The following ZEB2 variants were observed in gnomAD, a reference collection of about 807,000 sequenced individuals.
ZEB2 encodes zinc finger E-box binding homeobox 2.
Under a neutral mutation model 99.9 loss-of-function variants are expected in ZEB2, and 6 were observed. That is an observed-to-expected ratio of 0.06 (90% CI 0.03 to 0.12). The LOEUF is 0.12. Ranked by LOEUF, ZEB2 falls within the 10% of genes least tolerant of loss-of-function variation. The pLI, the probability that ZEB2 is intolerant of heterozygous loss-of-function variation, is 1.00. For synonymous variants in ZEB2, 517 were observed against 542.5 expected (o/e 0.95, Z 0.65); for missense variants, 969 against 1,502.8 (o/e 0.64, Z 5.87).
chr2:144,470,902 T>C (rs564006446), intron 2 of ZEB2, among the ~76,000 whole-genome samples: 1 of 152,294 alleles, frequency 6.6e-6, no homozygotes, highest in East Asian at 1.9e-4. Flanking sequence ...ATTTACTTAT[T>C]ACCAAAGCCT....
intron 1 of ZEB2, chr2:144,518,990 G>A (rs1226332002): frequency 6.6e-6 from 1 of 152,124 alleles, no homozygotes; most frequent in Non-Finnish European, 1.5e-5. Flanking sequence ...CATTACAGGG[G>A]GAGCATGTAA....
chr2:144,515,413 T>A (rs1179472853), intron 2 of ZEB2, among the ~76,000 whole-genome samples: 1 of 151,950 alleles, frequency 6.6e-6, no homozygotes, highest in Admixed American at 6.6e-5. Context: ...TTAGGTGTAA[T>A]TTTAGTGTCT....
At chr2:144,440,504 TA>T (rs1703894597) in intron 2 of ZEB2, among the ~76,000 whole-genome samples, 1 of 9,960 alleles carries the variant, frequency 1.0e-4, no homozygotes, top group African/African-American at 2.5e-4. Flanking sequence ...TATATATATA[TA>T]TATATATATA....
At chr2:144,443,443 T>C (rs1177879520) in intron 2 of ZEB2, among the ~76,000 whole-genome samples, 1 of 152,190 alleles carries the variant, frequency 6.6e-6, no homozygotes, top group Non-Finnish European at 1.5e-5. Context: ...CAGTATTGCT[T>C]CAATCTGATA....
chr2:144,416,929 A>G (rs1352864540), intron 4 of ZEB2, among the ~76,000 whole-genome samples: 1 of 152,248 alleles, frequency 6.6e-6, no homozygotes, highest in East Asian at 1.9e-4. Context: ...ATTTCAAATA[A>G]AACGTCTTAA....
chr2:144,436,453 A>G (rs1464142141), intron 2 of ZEB2, among the ~76,000 whole-genome samples: 1 of 152,216 alleles, frequency 6.6e-6, no homozygotes, highest in Non-Finnish European at 1.5e-5. Flanking sequence ...AGCTATGTAA[A>G]AAAATACGCA....
At chr2:144,511,546 T>A (rs1047365060) in intron 2 of ZEB2, 42 of 1,280,076 alleles carry the variant, frequency 3.3e-5, no homozygotes, top group Non-Finnish European at 4.2e-5. Context: ...GTTTTCCTTT[T>A]AAAAACTGCT....
chr2:144,501,408 G>A (rs1027518166), intron 2 of ZEB2, among the ~76,000 whole-genome samples: 2 of 152,096 alleles, frequency 1.3e-5, no homozygotes, highest in East Asian at 1.9e-4. Flanking sequence ...AACTATTTAC[G>A]AGACCTCTTC....
chr2:144,513,376 G>A (rs1320580355), intron 2 of ZEB2: 1 of 1,337,776 alleles, frequency 7.5e-7, no homozygotes, highest in South Asian at 1.2e-5. Context: ...AAAGGCATTT[G>A]TAAAAAGCTC....
intron 2 of ZEB2, chr2:144,513,543 C>T (rs2149932156): frequency 1.3e-6 from 2 of 1,529,648 alleles, no homozygotes; most frequent in Non-Finnish European, 1.7e-6. Context: ...CAAGCAGTTT[C>T]CGGATTTGAT....
intron 2 of ZEB2, among the ~76,000 whole-genome samples, chr2:144,457,198 G>T (rs1704132269): frequency 6.6e-6 from 1 of 152,108 alleles, no homozygotes; most frequent in Non-Finnish European, 1.5e-5. Context: ...TTAATCCACT[G>T]ACAGCAGAGC....
At chr2:144,437,724 A>T (rs1703856563) in intron 2 of ZEB2, among the ~76,000 whole-genome samples, 1 of 152,150 alleles carries the variant, frequency 6.6e-6, no homozygotes, top group African/African-American at 2.4e-5. Context: ...TGGAAATAAA[A>T]CCTTGAATAA....
intron 2 of ZEB2, chr2:144,512,287 C>A (rs1022184383): frequency 1.6e-6 from 2 of 1,287,186 alleles, no homozygotes; most frequent in Non-Finnish European, 2.0e-6. Flanking sequence ...AGAAAATGCA[C>A]CTTAAAAGCC....
intron 2 of ZEB2, chr2:144,504,381 T>G (rs1057446540): frequency 2.0e-5 from 3 of 152,380 alleles, no homozygotes; most frequent in African/African-American, 7.2e-5. Context: ...AGCTGAGATT[T>G]CCCGCACACT....
chr2:144,468,616 CAT>C (rs1376839758), intron 2 of ZEB2, among the ~76,000 whole-genome samples: 3 of 151,932 alleles, frequency 2.0e-5, no homozygotes, highest in Non-Finnish European at 4.4e-5. Context: ...GGAGTTAGCA[CAT>C]GTGTGTGTGC....
chr2:144,391,667 A>G (rs1021016211), intron 9 of ZEB2, among the ~76,000 whole-genome samples: 2 of 152,220 alleles, frequency 1.3e-5, no homozygotes, highest in Admixed American at 6.5e-5. Context: ...GAAAAAGACA[A>G]GAGGTTTTGT....
intron 2 of ZEB2, among the ~76,000 whole-genome samples, chr2:144,440,904 G>A (rs893732947): frequency 6.6e-6 from 1 of 151,492 alleles, no homozygotes; most frequent in African/African-American, 2.4e-5. Context: ...ATAATTGGGG[G>A]TTGGATGACA....
In ZEB2 at chr2:144,384,776, A is replaced by T. The variant is rs1703058744; in HGVS notation, c.*4675T>A. ...CAAATGTCTCAAGTTCTAAAAAAAA[A>T]TCACTGTGCACAGTTTAACAATTTA... On this transcript the variant is annotated 3_prime_UTR_variant, in exon 10 of 10. Transcript: ENST00000627532. 1 of 152,186 alleles carries T rather than the reference A, an allele frequency of 6.6e-6. No individual in the cohort carries two copies. The highest frequency in any genetic ancestry group is 2.1e-4 in the South Asian group (1 of 4,838). The allele number at this position is 152,186 out of a possible 1,614,324, so 9.4% of individuals were successfully genotyped here. A position where few individuals can be genotyped will look rare whatever the true frequency, so the allele number is the denominator to read the frequency against.
Position 144,384,142 on chromosome 2 carries a change from A to G in ZEB2, c.*5309T>C, listed in dbSNP as rs921081964. On this transcript the variant is annotated 3_prime_UTR_variant, in exon 10 of 10. Coordinates refer to ENST00000627532, the MANE Select transcript of ZEB2 (RefSeq NM_014795.4). The stretch of plus-strand genomic sequence containing the variant: ...CTCATCATTTTCTTTGACTAAAATT[A>G]TTAGAATCTTTGTCATATTAATCTC... 2 of 152,228 alleles carry G rather than the reference A, an allele frequency of 1.3e-5. No individual in the cohort carries two copies. The highest frequency in any genetic ancestry group is 2.9e-5 in the Non-Finnish European group (2 of 68,022). The allele number at this position is 152,228 out of a possible 1,614,324, so 9.4% of individuals were successfully genotyped here.
Sources: gnomAD v4.1 joint callset for allele counts (sites outside exome capture counted in the v4.1 genomes callset) on GRCh38, gnomAD v4.1.1 for gene constraint, MANE v1.5 for transcripts, NCBI Gene and HGNC (gene_info 2026-07-23, HGNC 2026-07-21) for gene names.